The following KHDRBS2 variants were observed in gnomAD, a reference collection of about 807,000 sequenced individuals.
KHDRBS2 encodes KH RNA binding domain containing, signal transduction associated 2.
In KHDRBS2, 26 loss-of-function variants were observed where a neutral mutation model predicts 44.3. The observed-to-expected ratio is 0.59, with a 90% CI of 0.43 to 0.81. The LOEUF is 0.81. Among genes scored for constraint, KHDRBS2 ranks in the 40% least tolerant of loss-of-function variants. KHDRBS2 has a pLI of 0.00. For synonymous variants in KHDRBS2, 194 were observed against 151.1 expected, an observed-to-expected ratio of 1.28 and a Z score of -2.08; for missense variants, 476 against 433.1, an observed-to-expected ratio of 1.10 and a Z score of -0.88.
intron 1 of KHDRBS2, among the ~76,000 whole-genome samples, chr6:62,249,847 AT>A (rs1360075897): frequency 1.3e-5 from 2 of 152,084 alleles, no homozygotes; most frequent in African/African-American, 4.8e-5. Context: ...GAACACTGCC[AT>A]AAAAAACCTT....
chr6:62,239,220 T>C (rs1834187023), intron 1 of KHDRBS2, among the ~76,000 whole-genome samples: 1 of 152,162 alleles, frequency 6.6e-6, no homozygotes, highest in South Asian at 2.1e-4. Context: ...AGAGGTGAAA[T>C]TGTCTTGATG....
At chr6:61,725,000 G>A (rs1456570823) in intron 7 of KHDRBS2, among the ~76,000 whole-genome samples, 3 of 152,096 alleles carry the variant, frequency 2.0e-5, no homozygotes, top group Non-Finnish European at 2.9e-5. Context: ...CAAAACAAGA[G>A]CATATACATT....
intron 6 of KHDRBS2, among the ~76,000 whole-genome samples, chr6:61,872,275 A>G (rs1798768066): frequency 6.6e-6 from 1 of 152,172 alleles, no homozygotes; most frequent in African/African-American, 2.4e-5. Flanking sequence ...AAGCAGTTAA[A>G]AAAACTGGTA....
At chr6:61,984,864 T>C (rs1774725824) in intron 3 of KHDRBS2, among the ~76,000 whole-genome samples, 1 of 152,212 alleles carries the variant, frequency 6.6e-6, no homozygotes, top group Non-Finnish European at 1.5e-5. Flanking sequence ...TAATTCATTT[T>C]AAGATAAAAA....
the KHDRBS2 span, among the ~76,000 whole-genome samples, chr6:61,669,886 G>A: frequency 6.6e-6 from 1 of 151,038 alleles, no homozygotes; most frequent in African/African-American, 2.4e-5. Context: ...TTGGAAATGG[G>A]TATTAGCTTA....
chr6:62,014,499 C>G (rs1317181477), intron 3 of KHDRBS2, among the ~76,000 whole-genome samples: 1 of 152,016 alleles, frequency 6.6e-6, no homozygotes, highest in East Asian at 1.9e-4. Flanking sequence ...ATAAACATAA[C>G]AAATTGCTGT....
At chr6:61,766,313 A>G (rs780504888) in intron 6 of KHDRBS2, among the ~76,000 whole-genome samples, 4 of 151,958 alleles carry the variant, frequency 2.6e-5, no homozygotes, top group African/African-American at 7.2e-5. Context: ...CTGCTGTGTC[A>G]GTTGTAATGT....
At chr6:61,992,377 T>C (rs1009646121) in intron 3 of KHDRBS2, among the ~76,000 whole-genome samples, 10 of 152,162 alleles carry the variant, frequency 6.6e-5, no homozygotes, top group African/African-American at 2.2e-4. Flanking sequence ...TCTATGCACA[T>C]TTCTTCTTCT....
At chr6:61,828,873 T>C (rs1202282027) in intron 6 of KHDRBS2, among the ~76,000 whole-genome samples, 1 of 152,240 alleles carries the variant, frequency 6.6e-6, no homozygotes, top group Non-Finnish European at 1.5e-5. Flanking sequence ...TAGGTGATGC[T>C]TCACATTAGT....
chr6:61,864,399 G>T (rs1252682507), intron 6 of KHDRBS2, among the ~76,000 whole-genome samples: 2 of 152,102 alleles, frequency 1.3e-5, no homozygotes, highest in Admixed American at 6.6e-5. Context: ...GCATGTTTTT[G>T]TAGTGGCTGG....
chr6:61,925,999 G>A (rs181359083), intron 4 of KHDRBS2, among the ~76,000 whole-genome samples: 38 of 152,162 alleles, frequency 2.5e-4, no homozygotes, highest in Admixed American at 9.2e-4. Context: ...TGAGGAAGCC[G>A]ACATTGAGAT....
chr6:61,616,433 T>C, the KHDRBS2 span, among the ~76,000 whole-genome samples: 392 of 149,858 alleles, frequency 2.6e-3, 1 homozygote, highest in African/African-American at 8.2e-3. Flanking sequence ...GCTAAGAATG[T>C]TATAACAAAA....
Position 61,848,376 on chromosome 6 carries a change from G to T in KHDRBS2, c.810+46259C>A, listed in dbSNP as rs549016728. On this transcript the variant is annotated intron_variant, in intron 6 of 8. Transcript: ENST00000281156. ...AAGTGAACAAGCAGGTCGCAATGTT[G>T]CATGTCCAACACTAAGATGTATAAC... Among the ~76,000 whole-genome samples, 24 of 146,524 alleles carry T rather than the reference G, an allele frequency of 1.6e-4. No homozygotes were observed. The South Asian group carries it at 1.9e-3, about 12-fold the overall frequency.
chr6:62,043,253 C>G (rs1786943271), intron 3 of KHDRBS2, among the ~76,000 whole-genome samples: 2 of 152,092 alleles, frequency 1.3e-5, no homozygotes, highest in Admixed American at 1.3e-4. Flanking sequence ...TAGCAACACT[C>G]TATCTGAAGC....
intron 6 of KHDRBS2, among the ~76,000 whole-genome samples, chr6:61,827,569 CT>C (rs1167267311): frequency 6.6e-6 from 1 of 152,114 alleles, no homozygotes; most frequent in Non-Finnish European, 1.5e-5. Context: ...TTGGACAGCT[CT>C]CTGGGGTATA....
chr6:62,222,385 C>T (rs1237434534), intron 1 of KHDRBS2, among the ~76,000 whole-genome samples: 4 of 152,098 alleles, frequency 2.6e-5, no homozygotes, highest in Non-Finnish European at 4.4e-5. Context: ...GCCTCAAAAT[C>T]ATGGCGGGAG....
the KHDRBS2 span, among the ~76,000 whole-genome samples, chr6:61,647,961 C>T: frequency 6.6e-5 from 10 of 151,978 alleles, no homozygotes; most frequent in African/African-American, 4.8e-5. Context: ...GAAGCAATAA[C>T]CTAAGTCATA....
At chr6:61,864,930 T>C (rs1797562341) in intron 6 of KHDRBS2, among the ~76,000 whole-genome samples, 1 of 152,214 alleles carries the variant, frequency 6.6e-6, no homozygotes, top group Non-Finnish European at 1.5e-5. Flanking sequence ...AGATTTGGTC[T>C]CTTTATATAA....
intron 6 of KHDRBS2, among the ~76,000 whole-genome samples, chr6:61,775,464 G>T (rs1295685599): frequency 6.6e-6 from 1 of 152,088 alleles, no homozygotes; most frequent in African/African-American, 2.4e-5. Flanking sequence ...AAAAATCAAT[G>T]TACAAAAATC....
Sources: allele counts gnomAD v4.1 joint callset (sites outside exome capture counted in the v4.1 genomes callset), GRCh38; gene constraint gnomAD v4.1.1; transcripts MANE v1.5; gene names NCBI Gene and HGNC (gene_info 2026-07-23, HGNC 2026-07-21).